ARFGEF1: variants seen among roughly 807,000 people sequenced by gnomAD.
ARFGEF1 encodes brefeldin A-inhibited guanine nucleotide-exchange protein 1.
Under a neutral mutation model 231.0 loss-of-function variants are expected in ARFGEF1, and 42 were observed. The ratio of observed to expected loss-of-function variants is 0.18; its 90% CI spans 0.14 to 0.24. ARFGEF1 has a LOEUF of 0.24. Among genes scored for constraint, ARFGEF1 ranks in the 10% least tolerant of loss-of-function variants. ARFGEF1 has a pLI of 1.00. For missense variants in ARFGEF1, 1,345 were observed against 2,192.0 expected (o/e 0.61, Z 7.72); for synonymous variants, 710 against 732.3 (o/e 0.97, Z 0.49).
intron 1 of ARFGEF1, among the ~76,000 whole-genome samples, chr8:67,325,873 C>T (rs1807810313): frequency 6.6e-6 from 1 of 152,070 alleles, no homozygotes. Flanking sequence ...TTCAGGAAAG[C>T]ACTTATGAAT....
intron 14 of ARFGEF1, among the ~76,000 whole-genome samples, chr8:67,261,673 G>A (rs906239192): frequency 2.0e-5 from 3 of 152,160 alleles, no homozygotes; most frequent in African/African-American, 7.2e-5. Flanking sequence ...GGATGAAAGA[G>A]TGATTTTGTT....
intron 5 of ARFGEF1, among the ~76,000 whole-genome samples, chr8:67,189,412 T>A (rs985128921): frequency 3.9e-5 from 6 of 152,090 alleles, no homozygotes; most frequent in African/African-American, 1.4e-4. Context: ...ATCCAGACAA[T>A]GCAATATTTT....
In ARFGEF1 at chr8:67,198,446, G is replaced by A; in HGVS notation, c.*488C>T. On this transcript the variant is annotated 3_prime_UTR_variant, in exon 39 of 39. Coordinates refer to ENST00000262215, the MANE Select transcript of ARFGEF1 (RefSeq NM_006421.5). The stretch of plus-strand genomic sequence containing the variant: ...ATTACCAGTATCTCAGATAGCCTGA[G>A]TGTGCAAAAATCTTCAGAATAAGAA... 1 of 986,856 alleles carries A rather than the reference G, an allele frequency of 1.0e-6. No homozygotes were observed. Among genetic ancestry groups the A allele is most frequent in the South Asian group, 4.7e-5 (1 of 21,344 alleles). 61.1% of individuals were successfully genotyped at this position (986,856 alleles called of 1,614,324 possible). A position where few individuals can be genotyped will look rare whatever the true frequency, so the allele number is the denominator to read the frequency against.
At chr8:67,258,491 A>AT (rs1840535494) in intron 15 of ARFGEF1, among the ~76,000 whole-genome samples, 3 of 151,430 alleles carry the variant, frequency 2.0e-5, no homozygotes, top group South Asian at 2.1e-4. Context: ...CGCCCAGCTA[A>AT]TTTTTTTTGT....
rs59504632 is a variant in ARFGEF1 at position 67,186,970 on chromosome 8, CATCTATCTATCT to C, written c.561-11410_561-11399del. The stretch of plus-strand genomic sequence containing the variant: ...AATACTGAGGTATAAATCTATCTAT[CATCTATCTATCT>C]ATCTATCTATCTATCTATCTATCTA... On this transcript the variant is annotated intron_variant, in intron 5 of 5. Coordinates refer to the ARFGEF1 transcript ENST00000518789. Among the ~76,000 whole-genome samples, 792 of 149,868 alleles carry C rather than the reference CATCTATCTATCT, an allele frequency of 5.3e-3. 5 individuals are homozygous for C. Among genetic ancestry groups the C allele is most frequent in the African/African-American group, 0.015 (610 of 40,674 alleles).
rs545181762 is a variant in ARFGEF1, at chr8:67,191,202, C to G, written c.560+9194G>C. On this transcript the variant is annotated intron_variant, in intron 5 of 5. Coordinates refer to the ARFGEF1 transcript ENST00000518789. ...ATGTTCTCCTCACTCTGCTCCCCAG[C>G]TTTACAATATAGCCAGTAAAAAGTA... 2.6e-5 allele frequency among the ~76,000 whole-genome samples: 4 copies of G among 152,346 alleles called. No individual in the cohort carries two copies. The East Asian group carries it at 7.7e-4, about 29-fold the overall frequency.
chr8:67,209,098 C>T (rs1363019710), intron 34 of ARFGEF1, among the ~76,000 whole-genome samples: 1 of 152,086 alleles, frequency 6.6e-6, no homozygotes, highest in Non-Finnish European at 1.5e-5. Context: ...GTAGATAATG[C>T]AAAAGAACTG....
downstream of ARFGEF1, chr8:67,195,822 A>ATT: frequency 8.2e-6 from 4 of 487,452 alleles, no homozygotes; most frequent in Non-Finnish European, 1.1e-5. Context: ...TTTGTCATAA[A>ATT]TTAGGGTGGT....
intron 35 of ARFGEF1, among the ~76,000 whole-genome samples, chr8:67,204,308 T>C (rs948456231): frequency 3.3e-5 from 5 of 152,230 alleles, no homozygotes; most frequent in Non-Finnish European, 4.4e-5. Flanking sequence ...TCACTTGACC[T>C]ATCCAGAGCA....
Position 67,211,553 on chromosome 8 carries a change from G to A in ARFGEF1, c.4749C>T (p.Asn1583=). 6.3e-7 allele frequency: 1 copy of A among 1,587,588 alleles called. No homozygotes were observed. The highest frequency in any genetic ancestry group is 2.3e-5 in the East Asian group (1 of 44,140). ...HDSIQPRSVD[N]RPQAPLVSAS... The stretch of plus-strand genomic sequence containing the variant: ...CAGAAACCAGTGGTGCTTGTGGTCT[G>A]TTATCCACAGACCTTGGTTGAATAG... Residue 1583 remains asparagine, a synonymous_variant, in exon 34 of 39, where the codon AAC becomes AAT. Transcript: ENST00000262215.
At chr8:67,216,444 A>AAAT (rs1838936148) in intron 33 of ARFGEF1, 146 bp downstream of exon 33, 1 of 736,798 alleles carries the variant, frequency 1.4e-6, no homozygotes, top group South Asian at 2.1e-5. Context: ...TGTAAAAAAA[A>AAAT]AATGTCTATT....
intron 20 of ARFGEF1, among the ~76,000 whole-genome samples, chr8:67,239,474 A>C (rs565385139): frequency 2.2e-4 from 33 of 152,300 alleles, no homozygotes; most frequent in Non-Finnish European, 4.3e-4. Flanking sequence ...TACATTTCTA[A>C]AATCCAAAGG....
intron 37 of ARFGEF1, 44 bp downstream of exon 37, chr8:67,201,415 CCGGCACCA>C: frequency 6.4e-7 from 1 of 1,567,594 alleles, no homozygotes; most frequent in Non-Finnish European, 8.6e-7. Flanking sequence ...TCTTTCCTGC[CCGGCACCA>C]CGTGGCTACC....
At position 67,286,679 on chromosome 8, in the gene ARFGEF1, T is replaced by C. The variant is rs559498416; in HGVS notation, c.1027+1276A>G. On this transcript the variant is annotated intron_variant, in intron 7 of 38. Transcript: ENST00000262215. The stretch of plus-strand genomic sequence containing the variant: ...TGCACGGGCATGTACTGCTATTTTT[T>C]CTTCTCTATTTTTTATTTTTTTAAT... Among the ~76,000 whole-genome samples, 17 of 152,302 alleles carry C rather than the reference T, an allele frequency of 1.1e-4. No homozygotes were observed. The East Asian group carries it at 3.1e-3, about 28-fold the overall frequency.
At chr8:67,328,960 C>T (rs35904049) in intron 1 of ARFGEF1, among the ~76,000 whole-genome samples, 50,157 of 152,018 alleles carry the variant, frequency 0.33, 8,569 homozygotes, top group African/African-American at 0.41. Context: ...GCCCAGTAGC[C>T]TACACCTGTA....
At chr8:67,305,642 C>T (rs1201468028) in intron 1 of ARFGEF1, among the ~76,000 whole-genome samples, 3 of 152,086 alleles carry the variant, frequency 2.0e-5, no homozygotes, top group Admixed American at 6.5e-5. Flanking sequence ...CCACCGCGCC[C>T]GGCCTTGTTT....
intron 1 of ARFGEF1, among the ~76,000 whole-genome samples, chr8:67,320,950 C>T (rs1807561571): frequency 6.6e-6 from 1 of 151,570 alleles, no homozygotes; most frequent in Non-Finnish European, 1.5e-5. Context: ...AGTGAGATTC[C>T]ATCTCAAAAA....
intron 10 of ARFGEF1, among the ~76,000 whole-genome samples, chr8:67,270,226 A>G (rs1285812090): frequency 6.6e-6 from 1 of 152,172 alleles, no homozygotes; most frequent in Non-Finnish European, 1.5e-5. Flanking sequence ...AACTCTTAAA[A>G]CTTGACATCA....
chr8:67,232,787 A>C, intron 23 of ARFGEF1, 68 bp downstream of exon 23: 2 of 1,239,718 alleles, frequency 1.6e-6, no homozygotes, highest in Non-Finnish European at 2.2e-6. Context: ...TTTTCTTTTT[A>C]CCAACACCTA....
Sources: gnomAD v4.1 joint callset for allele counts (sites outside exome capture counted in the v4.1 genomes callset) on GRCh38, gnomAD v4.1.1 for gene constraint, MANE v1.5 for transcripts, NCBI Gene and HGNC (gene_info 2026-07-23, HGNC 2026-07-21) for gene names.